FUT8: variants seen among roughly 807,000 people sequenced by gnomAD.
FUT8 encodes the protein fucosyltransferase 8.
FUT8 carries 29 observed loss-of-function variants against 71.3 expected under a neutral mutation model. The ratio of observed to expected loss-of-function variants is 0.41; its 90% confidence interval spans 0.30 to 0.55. The LOEUF is 0.55. Ranked by LOEUF, FUT8 falls within the 20% of genes least tolerant of loss-of-function variation. The pLI is 0.34. For missense variants in FUT8, 544 were observed against 702.1 expected, an observed-to-expected ratio of 0.77 and a Z score of 2.55; for synonymous variants, 254 against 239.3, an observed-to-expected ratio of 1.06 and a Z score of -0.57.
intron 3 of FUT8, among the ~76,000 whole-genome samples, chr14:65,605,343 C>T (rs1167592761): frequency 6.6e-6 from 1 of 151,912 alleles, no homozygotes; most frequent in Non-Finnish European, 1.5e-5. Flanking sequence ...GCTTCCCCCA[C>T]CCATCCAGAT....
the FUT8 span, among the ~76,000 whole-genome samples, chr14:65,390,659 C>T: frequency 6.6e-6 from 1 of 151,836 alleles, no homozygotes; most frequent in African/African-American, 2.4e-5. Flanking sequence ...CAAACCACAC[C>T]CACTTTTACT....
chr14:65,719,834 C>A (rs555269898), intron 7 of FUT8, among the ~76,000 whole-genome samples: 1 of 152,336 alleles, frequency 6.6e-6, no homozygotes, highest in South Asian at 2.1e-4. Context: ...GTGCTCCAAG[C>A]CTCTTGTAGT....
intron 1 of FUT8, among the ~76,000 whole-genome samples, chr14:65,435,776 A>G (rs912613611): frequency 6.7e-6 from 1 of 149,448 alleles, no homozygotes; most frequent in African/African-American, 2.5e-5. Flanking sequence ...ACTTGGTAGT[A>G]TCTGTTCCTT....
At chr14:65,391,774 C>T in the FUT8 span, among the ~76,000 whole-genome samples, 15 of 151,678 alleles carry the variant, frequency 9.9e-5, no homozygotes, top group Non-Finnish European at 1.9e-4. Context: ...AGGCATGAGC[C>T]ACTGTACCTG....
chr14:65,622,375 C>G (rs1441455132), intron 5 of FUT8, among the ~76,000 whole-genome samples: 1 of 152,158 alleles, frequency 6.6e-6, no homozygotes, highest in African/African-American at 2.4e-5. Context: ...CTAGTAGGCT[C>G]TGGTCAGACC....
chr14:65,466,883 A>G (rs2066051816), intron 2 of FUT8, among the ~76,000 whole-genome samples: 1 of 152,072 alleles, frequency 6.6e-6, no homozygotes, highest in Non-Finnish European at 1.5e-5. Context: ...ATACCTTACA[A>G]CTTAGTATTG....
chr14:65,700,914 T>A (rs1438092368), intron 7 of FUT8, among the ~76,000 whole-genome samples: 2 of 152,222 alleles, frequency 1.3e-5, no homozygotes, highest in Non-Finnish European at 2.9e-5. Flanking sequence ...CATTCTTTGA[T>A]CTGCAGTGGT....
At chr14:65,382,292 T>C in the FUT8 span, among the ~76,000 whole-genome samples, 2 of 152,242 alleles carry the variant, frequency 1.3e-5, no homozygotes, top group Admixed American at 1.3e-4. Flanking sequence ...AGGGAGCTCT[T>C]TGAAAACCCA....
At chr14:65,580,238 T>G (rs1327205356) in intron 3 of FUT8, among the ~76,000 whole-genome samples, 1 of 151,468 alleles carries the variant, frequency 6.6e-6, no homozygotes, top group African/African-American at 2.4e-5. Flanking sequence ...TGATATAGGC[T>G]ATTGCTCCTA....
At chr14:65,580,482 A>C (rs535317695) in intron 3 of FUT8, among the ~76,000 whole-genome samples, 1 of 152,100 alleles carries the variant, frequency 6.6e-6, no homozygotes, top group South Asian at 2.1e-4. Context: ...ATCTTGTAGA[A>C]AATACATGTT....
At chr14:65,466,825 C>T (rs1011059013) in intron 2 of FUT8, among the ~76,000 whole-genome samples, 13 of 152,198 alleles carry the variant, frequency 8.5e-5, no homozygotes, top group South Asian at 8.3e-4. Flanking sequence ...TTAAACTGAT[C>T]CAAGTTCACT....
At chr14:65,725,983 C>T (rs1013945670) in intron 9 of FUT8, among the ~76,000 whole-genome samples, 1 of 152,170 alleles carries the variant, frequency 6.6e-6, no homozygotes, top group African/African-American at 2.4e-5. Context: ...TGAGCATATG[C>T]ACACACTACC....
Position 65,697,098 on chromosome 14 carries a change from C to T in FUT8, c.836-24677C>T, listed in dbSNP as rs147798024. On this transcript the variant is annotated intron_variant, in intron 7 of 10. Coordinates refer to ENST00000673929, the MANE Select transcript of FUT8 (RefSeq NM_001371533.1). Reference sequence around the variant, plus strand: ...CTATATTTTTTGCCTTTTAGCATGCCTTGTAATGTTTTTATTGAAAGCCAA... The same window carrying T: ...CTATATTTTTTGCCTTTTAGCATGCTTTGTAATGTTTTTATTGAAAGCCAA... Among the ~76,000 whole-genome samples, 5 of 152,162 alleles carry T rather than the reference C, an allele frequency of 3.3e-5. No homozygotes were observed. The East Asian group carries it at 7.7e-4, about 23-fold the overall frequency.
At chr14:65,664,814 T>C (rs1049789971) in intron 6 of FUT8, among the ~76,000 whole-genome samples, 4 of 152,130 alleles carry the variant, frequency 2.6e-5, no homozygotes, top group Non-Finnish European at 5.9e-5. Flanking sequence ...CTATGTAGGA[T>C]AAAAGCTTCT....
chr14:65,364,939 C>T, the FUT8 span, among the ~76,000 whole-genome samples: 12 of 152,254 alleles, frequency 7.9e-5, no homozygotes, highest in Middle Eastern at 3.4e-3. Flanking sequence ...GAGGGCTTGC[C>T]GTCCACACAC....
the FUT8 span, among the ~76,000 whole-genome samples, chr14:65,382,700 C>T: frequency 2.0e-5 from 3 of 152,100 alleles, no homozygotes; most frequent in Admixed American, 6.6e-5. Flanking sequence ...GGGTTGGGCC[C>T]TGACATCTCT....
chr14:65,588,791 T>C (rs1325009961), intron 3 of FUT8, among the ~76,000 whole-genome samples: 5 of 152,164 alleles, frequency 3.3e-5, no homozygotes, highest in Admixed American at 3.3e-4. Context: ...ATTGTTCTAT[T>C]TTATTATTAT....
intron 2 of FUT8, among the ~76,000 whole-genome samples, chr14:65,553,979 T>A (rs1386082517): frequency 2.0e-5 from 3 of 152,110 alleles, no homozygotes; most frequent in African/African-American, 4.8e-5. Flanking sequence ...AACATCTCTT[T>A]AAATGTATTT....
chr14:65,685,232 C>G (rs1459073331), intron 7 of FUT8, among the ~76,000 whole-genome samples: 1 of 152,100 alleles, frequency 6.6e-6, no homozygotes, highest in Non-Finnish European at 1.5e-5. Flanking sequence ...AAGTACCGCT[C>G]CATTTCCTAA....
Sources: allele counts gnomAD v4.1 joint callset (sites outside exome capture counted in the v4.1 genomes callset), GRCh38; gene constraint gnomAD v4.1.1; transcripts MANE v1.5; gene names NCBI Gene and HGNC (gene_info 2026-07-23, HGNC 2026-07-21).